Variants in CDH12 observed in about 807,000 individuals in gnomAD.
CDH12 encodes cadherin-12.
CDH12 carries 41 observed loss-of-function variants against 74.1 expected under a neutral mutation model. The observed-to-expected ratio is 0.55, with a 90% CI of 0.43 to 0.72. CDH12 has a LOEUF of 0.72. Among genes scored for constraint, CDH12 ranks in the 30% least tolerant of loss-of-function variants. The probability of loss-of-function intolerance (pLI) is 0.00; values close to 1 mark genes in which losing one functional copy is unlikely to be tolerated. For missense variants in CDH12, 945 were observed against 977.2 expected (o/e 0.97, Z 0.44); for synonymous variants, 399 against 355.0 (o/e 1.12, Z -1.39).
chr5:22,796,024 G>A (rs62342486), intron 1 of CDH12, among the ~76,000 whole-genome samples: 424 of 152,154 alleles, frequency 2.8e-3, no homozygotes, highest in Non-Finnish European at 3.5e-3. Flanking sequence ...AAAATTACAT[G>A]AGTTTGTTTT....
chr5:22,495,212 A>G (rs892964010), intron 2 of CDH12, among the ~76,000 whole-genome samples: 6 of 152,144 alleles, frequency 3.9e-5, no homozygotes, highest in African/African-American at 1.4e-4. Flanking sequence ...AAAAAAATGG[A>G]ATAAATATCA....
chr5:22,736,217 C>T (rs1477418570), intron 1 of CDH12, among the ~76,000 whole-genome samples: 1 of 151,602 alleles, frequency 6.6e-6, no homozygotes, highest in African/African-American at 2.4e-5. Context: ...AATTTTAAAC[C>T]ATTAATTAAT....
At chr5:21,886,496 GAAC>G (rs1011833809) in intron 6 of CDH12, among the ~76,000 whole-genome samples, 2 of 145,154 alleles carry the variant, frequency 1.4e-5, no homozygotes, top group African/African-American at 5.0e-5. Flanking sequence ...TAAAGAAATA[GAAC>G]AAAACCTCAA....
chr5:22,467,838 A>G (rs1370193221), intron 2 of CDH12, among the ~76,000 whole-genome samples: 1 of 152,034 alleles, frequency 6.6e-6, no homozygotes, highest in Non-Finnish European at 1.5e-5. Context: ...TGGGATCATG[A>G]CTCTTTTTCC....
chr5:22,636,453 T>C lies in CDH12; in HGVS notation c.-522-131089A>G, dbSNP rs1263553795. ...ACTTATGAGTAGATAAATGCAATAT[T>C]GTATATCCAAACAATGGCGTATTCT... On this transcript the variant is annotated intron_variant, in intron 1 of 14. Coordinates refer to ENST00000382254, the MANE Select transcript of CDH12 (RefSeq NM_004061.5). Among the ~76,000 whole-genome samples the C allele has an allele frequency of 2.0e-5, 3 of 152,360 alleles. No individual in the cohort carries two copies. The East Asian group carries it at 5.8e-4, about 29-fold the overall frequency.
intron 5 of CDH12, among the ~76,000 whole-genome samples, chr5:22,034,511 C>T (rs1176635515): frequency 6.6e-6 from 1 of 152,096 alleles, no homozygotes; most frequent in Non-Finnish European, 1.5e-5. Context: ...AGACATATGC[C>T]TTGCAGCGAA....
At chr5:22,596,665 T>C (rs1736621912) in intron 1 of CDH12, among the ~76,000 whole-genome samples, 1 of 152,176 alleles carries the variant, frequency 6.6e-6, no homozygotes, top group Admixed American at 6.5e-5. Context: ...TTTTCTTATT[T>C]AATATTTTAA....
In CDH12 at chr5:22,331,180, T is replaced by G. The variant is rs138814334; in HGVS notation, c.-333+74077A>C. On this transcript the variant is annotated intron_variant, in intron 3 of 14. Transcript: ENST00000382254. ...ATTGCTAAGTTGCTTTCTTTTTACTTTAATTCCTGGCTGCCAGATAGCATG... is the reference window on the plus strand; with the variant it reads ...ATTGCTAAGTTGCTTTCTTTTTACTGTAATTCCTGGCTGCCAGATAGCATG... 2.8e-3 allele frequency among the ~76,000 whole-genome samples: 431 copies of G among 152,324 alleles called. 2 individuals are homozygous for G. Among genetic ancestry groups the G allele is most frequent in the African/African-American group, 9.6e-3 (398 of 41,574 alleles).
At chr5:21,826,650 G>A (rs1462715074) in intron 8 of CDH12, among the ~76,000 whole-genome samples, 1 of 152,006 alleles carries the variant, frequency 6.6e-6, no homozygotes, top group South Asian at 2.1e-4. Context: ...TTCATGTAGC[G>A]GGGAAATTAC....
At chr5:22,519,059 A>T (rs1193076720) in intron 1 of CDH12, among the ~76,000 whole-genome samples, 1 of 152,124 alleles carries the variant, frequency 6.6e-6, no homozygotes, top group Non-Finnish European at 1.5e-5. Flanking sequence ...CACCAGAGAA[A>T]GACAGAAGAT....
At chr5:21,817,442 G>A (rs1748121311) in intron 8 of CDH12, among the ~76,000 whole-genome samples, 2 of 151,986 alleles carry the variant, frequency 1.3e-5, no homozygotes, top group Non-Finnish European at 2.9e-5. Context: ...TATCAAATGG[G>A]AGGGTGGGAC....
intron 5 of CDH12, among the ~76,000 whole-genome samples, chr5:22,017,206 G>A (rs940279642): frequency 6.6e-6 from 1 of 151,618 alleles, no homozygotes; most frequent in Non-Finnish European, 1.5e-5. Context: ...TCTTTTGAAC[G>A]TTGGCTGACA....
chr5:22,153,776 C>T (rs1747778244), intron 4 of CDH12, among the ~76,000 whole-genome samples: 1 of 145,892 alleles, frequency 6.9e-6, no homozygotes, highest in East Asian at 2.0e-4. Context: ...TTCACAGGGG[C>T]CAAGATATGA....
At chr5:22,556,244 T>C (rs1738798337) in intron 1 of CDH12, among the ~76,000 whole-genome samples, 1 of 151,898 alleles carries the variant, frequency 6.6e-6, no homozygotes, top group Non-Finnish European at 1.5e-5. Flanking sequence ...TTTGGAAGGG[T>C]TGGAAGGGGA....
intron 4 of CDH12, among the ~76,000 whole-genome samples, chr5:22,161,818 C>T (rs1473675147): frequency 1.3e-5 from 2 of 151,960 alleles, no homozygotes; most frequent in Admixed American, 6.6e-5. Context: ...TATATTTGAG[C>T]TTTCTGAAAT....
chr5:22,388,562 C>A (rs1742099642), intron 3 of CDH12, among the ~76,000 whole-genome samples: 1 of 152,164 alleles, frequency 6.6e-6, no homozygotes, highest in Non-Finnish European at 1.5e-5. Context: ...TGTCTTCATT[C>A]ATTATTTTTT....
At chr5:22,110,331 A>G (rs948123715) in intron 4 of CDH12, among the ~76,000 whole-genome samples, 1 of 152,156 alleles carries the variant, frequency 6.6e-6, no homozygotes, top group African/African-American at 2.4e-5. Context: ...GCTGGTGAAC[A>G]CACAAAGACA....
rs573933210 is a variant in CDH12, at chr5:22,483,748, CTA to C, written c.-428+21520_-428+21521del. The stretch of plus-strand genomic sequence containing the variant: ...TAGCAAGGACCTGTCTCTTTCAAAA[CTA>C]TATATATATATATAAATTTAATTAA... On this transcript the variant is annotated intron_variant, in intron 2 of 14. Coordinates refer to ENST00000382254, the MANE Select transcript of CDH12 (RefSeq NM_004061.5). Among the ~76,000 whole-genome samples, 178 of 22,778 alleles carry C rather than the reference CTA, an allele frequency of 7.8e-3. 45 individuals are homozygous for C. Among genetic ancestry groups the C allele is most frequent in the African/African-American group, 0.017 (98 of 5,716 alleles). The allele number at this position is 22,778 out of a possible 152,430, so 14.9% of individuals were successfully genotyped here.
At chr5:22,756,224 TAAAC>T (rs1303060956) in intron 1 of CDH12, among the ~76,000 whole-genome samples, 3 of 151,184 alleles carry the variant, frequency 2.0e-5, no homozygotes, top group South Asian at 2.1e-4. Flanking sequence ...GTTGAACAAA[TAAAC>T]AAATAATGAG....
Sources: gnomAD v4.1 joint callset for allele counts (sites outside exome capture counted in the v4.1 genomes callset) on GRCh38, gnomAD v4.1.1 for gene constraint, MANE v1.5 for transcripts, NCBI Gene and HGNC (gene_info 2026-07-23, HGNC 2026-07-21) for gene names.